The following KDM4C variants were observed in gnomAD, a reference collection of about 807,000 sequenced individuals.
The protein encoded by KDM4C is lysine demethylase 4C.
In KDM4C, 81 loss-of-function variants were observed where a neutral mutation model predicts 129.3. That is an observed-to-expected ratio of 0.63 (90% CI 0.52 to 0.75). KDM4C has a LOEUF of 0.75. Ranked by LOEUF, KDM4C falls within the 30% of genes least tolerant of loss-of-function variation. The probability of loss-of-function intolerance (pLI) is 0.00; values close to 1 mark genes in which losing one functional copy is unlikely to be tolerated. For missense variants in KDM4C, 1,457 were observed against 1,304.0 expected (o/e 1.12, Z -1.81); for synonymous variants, 573 against 456.1 (o/e 1.26, Z -3.26).
chr9:7,039,881 A>C (rs1828263659), intron 15 of KDM4C, among the ~76,000 whole-genome samples: 2 of 152,030 alleles, frequency 1.3e-5, no homozygotes, highest in South Asian at 2.1e-4. Context: ...GTTCAAGCTT[A>C]CATTGTTCAT....
At chr9:6,776,425 C>G (rs1305110584) in intron 1 of KDM4C, among the ~76,000 whole-genome samples, 2 of 152,066 alleles carry the variant, frequency 1.3e-5, no homozygotes, top group Non-Finnish European at 2.9e-5. Flanking sequence ...TCACGACCAG[C>G]TAATTTTTTG....
At chr9:7,115,454 T>G (rs1838792674) in intron 18 of KDM4C, among the ~76,000 whole-genome samples, 1 of 152,138 alleles carries the variant, frequency 6.6e-6, no homozygotes, top group Non-Finnish European at 1.5e-5. Flanking sequence ...TAGAAAAATA[T>G]AAATGGAATG....
chr9:6,807,754 G>A (rs1189049261), intron 3 of KDM4C, among the ~76,000 whole-genome samples: 4 of 138,828 alleles, frequency 2.9e-5, no homozygotes, highest in Non-Finnish European at 6.3e-5. Flanking sequence ...AGTGAGGAGC[G>A]TCTCCGCCCG....
intron 8 of KDM4C, among the ~76,000 whole-genome samples, chr9:6,914,242 A>G (rs1424309609): frequency 6.6e-6 from 1 of 152,046 alleles, no homozygotes; most frequent in Non-Finnish European, 1.5e-5. Flanking sequence ...TATTTTTTGT[A>G]GAGACAGGGT....
chr9:6,787,470 T>C (rs565278801), intron 1 of KDM4C, among the ~76,000 whole-genome samples: 2 of 152,354 alleles, frequency 1.3e-5, no homozygotes, highest in African/African-American at 4.8e-5. Context: ...TGACCTCAGG[T>C]CATCTGCCTG....
chr9:7,005,367 G>A (rs571066322), intron 12 of KDM4C, among the ~76,000 whole-genome samples: 15 of 151,106 alleles, frequency 9.9e-5, no homozygotes, highest in East Asian at 5.9e-4. Context: ...CCCAGGAGGC[G>A]GAGGTTTCAG....
chr9:7,116,046 T>G (rs1838860991), intron 18 of KDM4C, among the ~76,000 whole-genome samples: 1 of 152,210 alleles, frequency 6.6e-6, no homozygotes, highest in African/African-American at 2.4e-5. Flanking sequence ...TGAAGAAACG[T>G]AAGAAATTCC....
At chr9:6,927,098 T>TCTATCTAC (rs1822742521) in intron 8 of KDM4C, among the ~76,000 whole-genome samples, 1 of 145,832 alleles carries the variant, frequency 6.9e-6, no homozygotes, top group Non-Finnish European at 1.5e-5. Flanking sequence ...TTTCTATCTA[T>TCTATCTAC]CTATCTATCT....
chr9:7,104,174 G>A (rs913587242), intron 18 of KDM4C: 1 of 309,516 alleles, frequency 3.2e-6, no homozygotes, highest in Non-Finnish European at 6.2e-6. Context: ...CAGGGCTGCT[G>A]AGCTTGGTTG....
intron 19 of KDM4C, among the ~76,000 whole-genome samples, chr9:7,152,475 A>C (rs1842814370): frequency 6.6e-6 from 1 of 152,242 alleles, no homozygotes; most frequent in Non-Finnish European, 1.5e-5. Flanking sequence ...GATTTCGCTT[A>C]CATGAGGTAC....
At chr9:6,724,915 A>G (rs1352409838) in intron 1 of KDM4C, among the ~76,000 whole-genome samples, 4 of 152,186 alleles carry the variant, frequency 2.6e-5, no homozygotes, top group Admixed American at 2.0e-4. Flanking sequence ...TTCTGAAAGA[A>G]GTCCAAAATG....
At chr9:6,956,861 T>C (rs1402129627) in intron 8 of KDM4C, among the ~76,000 whole-genome samples, 1 of 152,188 alleles carries the variant, frequency 6.6e-6, no homozygotes, top group Non-Finnish European at 1.5e-5. Flanking sequence ...TTTCTTTGGC[T>C]TCAGAGCTCA....
intron 18 of KDM4C, among the ~76,000 whole-genome samples, chr9:7,125,539 T>C (rs1213424317): frequency 1.3e-5 from 2 of 152,250 alleles, no homozygotes; most frequent in African/African-American, 4.8e-5. Context: ...TCTGGGAATG[T>C]CTTTGTTTGG....
chr9:6,942,847 G>C (rs1051229780), intron 8 of KDM4C, among the ~76,000 whole-genome samples: 1 of 152,144 alleles, frequency 6.6e-6, no homozygotes. Flanking sequence ...ATGCTGAGCA[G>C]TGGTTACCTC....
intron 4 of KDM4C, among the ~76,000 whole-genome samples, chr9:6,837,502 T>C (rs1364811074): frequency 6.6e-6 from 1 of 152,254 alleles, no homozygotes; most frequent in Admixed American, 6.5e-5. Flanking sequence ...AGCTTCTTCA[T>C]GCTGATCCAG....
chr9:6,730,708 G>A (rs892302628), intron 1 of KDM4C, among the ~76,000 whole-genome samples: 1 of 152,052 alleles, frequency 6.6e-6, no homozygotes, highest in African/African-American at 2.4e-5. Context: ...GATATTCAGA[G>A]AGACTCCAGG....
chr9:6,791,238 A>G (rs573234517), intron 1 of KDM4C, among the ~76,000 whole-genome samples: 58 of 152,240 alleles, frequency 3.8e-4, no homozygotes, highest in African/African-American at 1.4e-3. Context: ...CAGTCTCCCT[A>G]GTAGCTGGGA....
At chr9:6,826,471 A>T (rs192258318) in intron 4 of KDM4C, among the ~76,000 whole-genome samples, 126 of 152,062 alleles carry the variant, frequency 8.3e-4, no homozygotes, top group Middle Eastern at 3.4e-3. Context: ...TATAAAAAAA[A>T]TTTTTGTGGT....
intron 8 of KDM4C, among the ~76,000 whole-genome samples, chr9:6,898,466 C>T (rs187568342): frequency 9.1e-4 from 139 of 152,184 alleles, no homozygotes; most frequent in Admixed American, 3.3e-3. Flanking sequence ...AAAATGATAT[C>T]TTTTATTTTA....
Sources: allele counts gnomAD v4.1 joint callset (sites outside exome capture counted in the v4.1 genomes callset), GRCh38; gene constraint gnomAD v4.1.1; transcripts MANE v1.5; gene names NCBI Gene and HGNC (gene_info 2026-07-23, HGNC 2026-07-21).